The following PEX5L variants were observed in gnomAD, a reference collection of about 807,000 sequenced individuals.
The protein encoded by PEX5L is peroxisomal biogenesis factor 5 like.
Under a neutral mutation model 84.0 loss-of-function variants are expected in PEX5L, and 30 were observed. That is an observed-to-expected ratio of 0.36 (90% confidence interval 0.27 to 0.48). The LOEUF is 0.48. PEX5L is among the 20% of genes least tolerant of loss of function. The pLI, the probability that PEX5L is intolerant of heterozygous loss-of-function variation, is 0.99. For missense variants in PEX5L, 533 were observed against 754.6 expected (o/e 0.71, Z 3.44); for synonymous variants, 270 against 283.1 (o/e 0.95, Z 0.46).
At chr3:179,937,076 T>A (rs1020335672) in intron 2 of PEX5L, among the ~76,000 whole-genome samples, 7 of 152,252 alleles carry the variant, frequency 4.6e-5, no homozygotes, top group African/African-American at 1.7e-4. Flanking sequence ...CTCATATATA[T>A]ATATATACAT....
intron 10 of PEX5L, among the ~76,000 whole-genome samples, chr3:179,812,219 T>A (rs1724180554): frequency 6.6e-6 from 1 of 152,148 alleles, no homozygotes; most frequent in African/African-American, 2.4e-5. Flanking sequence ...GGTGGAAATA[T>A]AACCCAGAAA....
intron 2 of PEX5L, among the ~76,000 whole-genome samples, chr3:179,969,023 T>C (rs1784095654): frequency 6.6e-6 from 1 of 152,080 alleles, no homozygotes; most frequent in South Asian, 2.1e-4. Context: ...TTTGCTTATA[T>C]AAGCAAGACT....
At chr3:179,859,667 T>C (rs946347960) in intron 7 of PEX5L, among the ~76,000 whole-genome samples, 1 of 152,228 alleles carries the variant, frequency 6.6e-6, no homozygotes, top group African/African-American at 2.4e-5. Context: ...CATAGTTCTC[T>C]TCCTTCTGCT....
At chr3:179,900,072 C>T (rs527869467) in intron 2 of PEX5L, among the ~76,000 whole-genome samples, 1 of 152,150 alleles carries the variant, frequency 6.6e-6, no homozygotes, top group African/African-American at 2.4e-5. Context: ...AACTTGTTTA[C>T]ATTTTATCAA....
chr3:179,844,177 G>T (rs1295717341), intron 8 of PEX5L, among the ~76,000 whole-genome samples: 1 of 152,196 alleles, frequency 6.6e-6, no homozygotes, highest in Non-Finnish European at 1.5e-5. Context: ...GTGTGCATGT[G>T]TGTGTGTTCT....
chr3:179,900,913 T>C (rs953425815), intron 2 of PEX5L, among the ~76,000 whole-genome samples: 2 of 152,222 alleles, frequency 1.3e-5, no homozygotes, highest in Admixed American at 6.5e-5. Flanking sequence ...AGATACAGTG[T>C]CTAAAACCAC....
intron 1 of PEX5L, among the ~76,000 whole-genome samples, chr3:180,023,863 G>C (rs1790655193): frequency 6.8e-6 from 1 of 147,610 alleles, no homozygotes; most frequent in Non-Finnish European, 1.5e-5. Context: ...TGGTAGAGGA[G>C]ACCCCCTTCA....
At chr3:179,815,246 C>A (rs1725579288) in intron 10 of PEX5L, among the ~76,000 whole-genome samples, 1 of 152,244 alleles carries the variant, frequency 6.6e-6, no homozygotes, top group South Asian at 2.1e-4. Flanking sequence ...AAGAGCCAGA[C>A]ATCACTATAT....
intron 2 of PEX5L, among the ~76,000 whole-genome samples, chr3:179,949,161 AC>A (rs1367546566): frequency 2.0e-5 from 3 of 152,102 alleles, no homozygotes; most frequent in African/African-American, 7.2e-5. Flanking sequence ...TATTTTAAAA[AC>A]TTGTTTTGGG....
chr3:179,985,452 CT>C (rs1478246048), intron 1 of PEX5L, among the ~76,000 whole-genome samples: 1 of 152,088 alleles, frequency 6.6e-6, no homozygotes, highest in East Asian at 1.9e-4. Flanking sequence ...TGCTATTGAT[CT>C]ACACCTCAGC....
intron 9 of PEX5L, among the ~76,000 whole-genome samples, chr3:179,818,545 A>G (rs1727086375): frequency 6.6e-6 from 1 of 152,146 alleles, no homozygotes; most frequent in South Asian, 2.1e-4. Flanking sequence ...TGTTCATTCT[A>G]TGTAACTATG....
At chr3:179,927,988 A>G (rs1771938601) in intron 2 of PEX5L, among the ~76,000 whole-genome samples, 1 of 152,222 alleles carries the variant, frequency 6.6e-6, no homozygotes, top group Admixed American at 6.5e-5. Context: ...AATCTTTCCA[A>G]GTCACTCTGT....
chr3:179,913,308 A>C (rs1765824986), intron 2 of PEX5L, among the ~76,000 whole-genome samples: 1 of 152,150 alleles, frequency 6.6e-6, no homozygotes, highest in South Asian at 2.1e-4. Context: ...CAGTTACTTT[A>C]GGTATAAATT....
intron 2 of PEX5L, among the ~76,000 whole-genome samples, chr3:179,930,636 G>A (rs1437412973): frequency 2.0e-5 from 3 of 152,122 alleles, no homozygotes; most frequent in African/African-American, 7.2e-5. Context: ...CTTTAAATAT[G>A]CCTCATGCTT....
Position 180,036,630 on chromosome 3 carries a change from GC to G in PEX5L, c.-32del. 1.9e-6 allele frequency: 3 copies of G among 1,613,590 alleles called. No homozygotes were observed. The highest frequency in any genetic ancestry group is 1.7e-4 in the Middle Eastern group (1 of 6,060). On this transcript the variant is annotated 5_prime_UTR_variant, in exon 1 of 15. Coordinates refer to ENST00000467460, the MANE Select transcript of PEX5L (RefSeq NM_016559.3). ...TTCGGTTTCTTCAGGGCTCCCTGAGGCCACCGGATGCTTTTCCCCCGTGCTT... is the reference window on the plus strand; with the variant it reads ...TTCGGTTTCTTCAGGGCTCCCTGAGGCACCGGATGCTTTTCCCCCGTGCTT...
chr3:179,879,599 T>C (rs150723286), intron 5 of PEX5L, among the ~76,000 whole-genome samples: 187 of 152,354 alleles, frequency 1.2e-3, no homozygotes, highest in Admixed American at 1.8e-3. Context: ...CAAGTCCCTC[T>C]TTCTCATCCT....
At chr3:179,984,751 T>A (rs1327825690) in intron 1 of PEX5L, among the ~76,000 whole-genome samples, 1 of 152,206 alleles carries the variant, frequency 6.6e-6, no homozygotes, top group African/African-American at 2.4e-5. Context: ...CTCATTAGCC[T>A]TATGATAAAT....
intron 2 of PEX5L, among the ~76,000 whole-genome samples, chr3:179,947,899 T>G (rs1441859828): frequency 4.0e-5 from 6 of 151,782 alleles, no homozygotes; most frequent in African/African-American, 1.5e-4. Flanking sequence ...GTAGAGACAG[T>G]GTTTCACCGT....
intron 7 of PEX5L, among the ~76,000 whole-genome samples, chr3:179,861,907 T>C (rs1472760535): frequency 6.6e-6 from 1 of 152,276 alleles, no homozygotes; most frequent in Non-Finnish European, 1.5e-5. Context: ...TGATATCATG[T>C]GAGAGAATTT....
Sources: gnomAD v4.1 joint callset for allele counts (sites outside exome capture counted in the v4.1 genomes callset) on GRCh38, gnomAD v4.1.1 for gene constraint, MANE v1.5 for transcripts, NCBI Gene and HGNC (gene_info 2026-07-23, HGNC 2026-07-21) for gene names.